FOXM1: variants seen among roughly 807,000 people sequenced by gnomAD.
FOXM1 encodes forkhead box protein M1.
In FOXM1, 25 loss-of-function variants were observed where a neutral mutation model predicts 63.6. The observed-to-expected ratio is 0.39, with a 90% CI of 0.29 to 0.55. The LOEUF (loss-of-function observed/expected upper bound fraction) is 0.55. Ranked by LOEUF, FOXM1 falls within the 20% of genes least tolerant of loss-of-function variation. FOXM1 has a pLI of 0.60. For missense variants in FOXM1, 879 were observed against 958.7 expected (o/e 0.92, Z 1.10); for synonymous variants, 387 against 376.9 (o/e 1.03, Z -0.31).
Position 2,864,855 on chromosome 12 carries a change from T to C in FOXM1, c.1021-103A>G. 1 of 1,308,230 alleles carries C rather than the reference T, an allele frequency of 7.6e-7. No individual in the cohort carries two copies. The highest frequency in any genetic ancestry group is 1.7e-5 in the Admixed American group (1 of 59,032). The allele number at this position is 1,308,230 out of a possible 1,614,324, so 81.0% of individuals were successfully genotyped here. On this transcript the variant is annotated intron_variant, in intron 6 of 8. Coordinates refer to ENST00000359843, the MANE Select transcript of FOXM1 (RefSeq NM_021953.4). The surrounding 1 kb of genome is among the most constrained non-coding windows in gnomAD (Gnocchi z 5.1). ...GCTGCTCTGGTGGTGTGTGCTTGAG[T>C]TAATGACAGCCCAGAGAGAGGAGGC... is the stretch of plus-strand genomic sequence containing the variant.
intron 8 of FOXM1, among the ~76,000 whole-genome samples, chr12:2,863,386 C>T (rs1220729345): frequency 1.3e-5 from 2 of 152,018 alleles, no homozygotes; most frequent in Non-Finnish European, 2.9e-5. Context: ...TTACCCAAAT[C>T]TACTTTTTTT....
At chr12:2,860,382 G>A (rs886997519) in intron 8 of FOXM1, among the ~76,000 whole-genome samples, 2 of 151,972 alleles carry the variant, frequency 1.3e-5, no homozygotes, top group Non-Finnish European at 2.9e-5. Context: ...CTACAGGTGG[G>A]AGGCTGAGGT....
intron 8 of FOXM1, among the ~76,000 whole-genome samples, chr12:2,862,593 C>T (rs1463758098): frequency 2.0e-5 from 3 of 152,060 alleles, no homozygotes; most frequent in South Asian, 2.1e-4. Flanking sequence ...TGCAGTGGCA[C>T]GATTATAGCT....
chr12:2,863,091 C>T (rs1303775609), intron 8 of FOXM1, among the ~76,000 whole-genome samples: 1 of 152,140 alleles, frequency 6.6e-6, no homozygotes, highest in Admixed American at 6.5e-5. Flanking sequence ...TGATTCCCTC[C>T]CTGCCAGGGG....
In FOXM1 at chr12:2,858,818, G is replaced by T; in HGVS notation, c.2112C>A (p.Ser704=). Residue 704 remains serine, a synonymous_variant, in exon 9 of 9, where the codon TCC becomes TCA. Transcript: ENST00000359843. ...CAAGGCCAGAAACCTGTGGCTCCGG[G>T]GAGCCTGGCTTGGGGACGTCTATAT... The part of the protein sequence containing the change: ...PSDIDVPKPG[S]PEPQVSGLAA... 11 of 1,614,222 alleles carry T rather than the reference G, an allele frequency of 6.8e-6. No homozygotes were observed. The highest frequency in any genetic ancestry group is 9.3e-6 in the Non-Finnish European group (11 of 1,180,048).
Position 2,868,546 on chromosome 12 carries a change from G to T in FOXM1, c.846+17C>A. ...GGCTGGGCTGACCTTGATTTTGGTT[G>T]CTGTGGGACACATTACCTTCCAGCC... On this transcript the variant is annotated intron_variant, in intron 4 of 8. Transcript: ENST00000359843. 6.3e-7 allele frequency: 1 copy of T among 1,588,156 alleles called. No homozygotes were observed.
At chr12:2,860,243 C>T (rs2098108205) in intron 8 of FOXM1, among the ~76,000 whole-genome samples, 2 of 152,140 alleles carry the variant, frequency 1.3e-5, no homozygotes, top group African/African-American at 4.8e-5. Context: ...CAAACAATGC[C>T]TGTAATCCCA....
In FOXM1 at chr12:2,858,963, A is replaced by T. The variant is rs1266045156; in HGVS notation, c.1967T>A (p.Leu656Gln). ...CAAGGGAGTGGTGCTGAGATCCATC[A>T]GCCCCAGGGGGTCAGGCAAGGGGTC... is the stretch of plus-strand genomic sequence containing the variant. ...ASDPLPDPLGLMDLSTTPLQS... is the reference protein window; with the variant it reads ...ASDPLPDPLGQMDLSTTPLQS... The change falls in exon 9 of 9, where the codon CTG (leucine) becomes CAG (glutamine). Residue 656 changes from leucine to glutamine, a missense_variant. Physicochemically the swap from Leu to Gln is moderately radical, Grantham distance 113. This residue lies in a region of FOXM1 where 486 missense variants were observed against 453.5 expected (regional missense o/e 1.07). Coordinates refer to ENST00000359843, the MANE Select transcript of FOXM1 (RefSeq NM_021953.4). 2.1e-5 allele frequency: 34 copies of T among 1,613,510 alleles called. No individual in the cohort carries two copies. Among genetic ancestry groups the T allele is most frequent in the Non-Finnish European group, 2.9e-5 (34 of 1,179,926 alleles).
rs1324322919 is a variant in FOXM1, at chr12:2,872,150, G to A, written c.600C>T (p.Ile200=). The change falls in exon 3 of 9, where the codon ATC becomes ATT. Residue 200 remains isoleucine, a synonymous_variant. Transcript: ENST00000359843. This position sits in a 1 kb window ranked among gnomAD's most constrained non-coding sequence, Gnocchi z 4.0. ...TCTCCTTTTCCTCCATCTCTTGCTT[G>A]ATGCTGCGGGAGCCCAGTCCATCAG... is the stretch of plus-strand genomic sequence containing the variant. The part of the protein sequence containing the change: ...MSSDGLGSRS[I]KQEMEEKENC... 6.2e-7 allele frequency: 1 copy of A among 1,614,188 alleles called. No individual in the cohort carries two copies. The highest frequency in any genetic ancestry group is 1.1e-5 in the South Asian group (1 of 91,082).
At position 2,865,389 on chromosome 12, in the gene FOXM1, G is replaced by T. The variant is rs150152924; in HGVS notation, c.986C>A (p.Pro329Gln). The T allele has an allele frequency of 3.1e-6, 5 of 1,610,628 alleles. No individual in the cohort carries two copies. In the African/African-American group the frequency reaches 6.7e-5, roughly 22 times the overall value. Residue 329 changes from proline (P) to glutamine (Q), a missense_variant, in exon 6 of 9, where the codon CCA (proline) becomes CAA (glutamine). Coordinates refer to ENST00000359843, the MANE Select transcript of FOXM1 (RefSeq NM_021953.4). ...GTGCTCGGGCAATTGTGGAGACCCT[G>T]GGTCCAGTGGCTGGTGGCGGCCAGG... Reference protein sequence around the residue: ...TLDQVFKPLDPGSPQLPEHLE... With the variant: ...TLDQVFKPLDQGSPQLPEHLE...
Position 2,864,529 on chromosome 12 carries a change from G to T in FOXM1, c.1091-34C>A. 1 of 1,601,206 alleles carries T rather than the reference G, an allele frequency of 6.2e-7. No homozygotes were observed. Among genetic ancestry groups the T allele is most frequent in the Non-Finnish European group, 8.5e-7 (1 of 1,170,154 alleles). On this transcript the variant is annotated intron_variant, in intron 7 of 8. Transcript: ENST00000359843. The surrounding 1 kb of genome is among the most constrained non-coding windows in gnomAD (Gnocchi z 5.1). ...AAACACGAGAGATCAGGAGCAGGGGGACTGGAGTACACCCCTTCTCAGCCC... is the reference window on the plus strand; with the variant it reads ...AAACACGAGAGATCAGGAGCAGGGGTACTGGAGTACACCCCTTCTCAGCCC...
chr12:2,865,420 TG>T, intron 5 of FOXM1, 21 bp from the exon 6 acceptor site: 1 of 1,607,314 alleles, frequency 6.2e-7, no homozygotes, highest in Non-Finnish European at 8.5e-7. Flanking sequence ...CCAGGCATTG[TG>T]GGAGAGAAAT....
chr12:2,860,514 G>GCTCTCACAAATTGATAACAAAACCTAT (rs2098109224), intron 8 of FOXM1, among the ~76,000 whole-genome samples: 1 of 152,002 alleles, frequency 6.6e-6, no homozygotes, highest in African/African-American at 2.4e-5. Flanking sequence ...AAAGTAAAGA[G>GCTCTCACAAATTGATAACAAAACCTAT]ATAAACAATA....
rs1326198528 is a variant in FOXM1, at chr12:2,872,128, C to T, written c.622G>A (p.Glu208Lys). The stretch of plus-strand genomic sequence containing the variant: ...TGTCGCTGCTCCAGGTGACAATTCT[C>T]CTTTTCCTCCATCTCTTGCTTGATG... The part of the protein sequence containing the change: ...RSIKQEMEEK[E>K]NCHLEQRQVK... Residue 208 changes from glutamate (E) to lysine (K), a missense_variant, in exon 3 of 9, where the codon GAG becomes AAG. Transcript: ENST00000359843. The surrounding 1 kb of genome is among the most constrained non-coding windows in gnomAD (Gnocchi z 4.0). 11 of 1,614,230 alleles carry T rather than the reference C, an allele frequency of 6.8e-6. No individual in the cohort carries two copies. In the East Asian group the frequency reaches 2.5e-4, roughly 36 times the overall value.
chr12:2,858,622 G>A lies in FOXM1; in HGVS notation c.*16C>T. On this transcript the variant is annotated 3_prime_UTR_variant, in exon 9 of 9. Transcript: ENST00000359843. ...GGGATGGTGGACAGCTTGAGCACAG[G>A]GGCAAGGGCAGGGCTCTACTGTAGC... The A allele has an allele frequency of 1.2e-6, 2 of 1,606,446 alleles. No homozygotes were observed. The highest frequency in any genetic ancestry group is 1.7e-6 in the Non-Finnish European group (2 of 1,175,398).
In FOXM1 at chr12:2,868,703, G is replaced by A. The variant is rs760175330; in HGVS notation, c.706C>T (p.Arg236Trp). The A allele has an allele frequency of 5.6e-6, 9 of 1,613,620 alleles. No individual in the cohort carries two copies. In the Admixed American group the frequency reaches 8.3e-5, roughly 15 times the overall value. Residue 236 changes from arginine (R) to tryptophan (W), a missense_variant, in exon 4 of 9, where the codon CGG becomes TGG. Transcript: ENST00000359843. ...ATGGCCATGTAAGAGTAGGGTGGCC[G>A]CTCAGACACAGAGTTCTGCCAGGAC... ...SASWQNSVSERPPYSYMAMIQ... is the reference protein window; with the variant it reads ...SASWQNSVSEWPPYSYMAMIQ...
Position 2,872,593 on chromosome 12 carries a change from T to A in FOXM1, c.503-346A>T, listed in dbSNP as rs1218554020. Among the ~76,000 whole-genome samples, 6 of 152,012 alleles carry A rather than the reference T, an allele frequency of 3.9e-5. No individual in the cohort carries two copies. The highest frequency in any genetic ancestry group is 7.4e-5 in the Non-Finnish European group (5 of 68,002). On this transcript the variant is annotated intron_variant, in intron 2 of 8. Coordinates refer to ENST00000359843, the MANE Select transcript of FOXM1 (RefSeq NM_021953.4). This position sits in a 1 kb window ranked among gnomAD's most constrained non-coding sequence, Gnocchi z 4.0. ...CACTACACTCCAGCCTGAGTGAGAC[T>A]CTGTCTCAGAAAAATAAAAAATAAA...
chr12:2,870,204 G>A (rs946131829), intron 3 of FOXM1, among the ~76,000 whole-genome samples: 1 of 151,914 alleles, frequency 6.6e-6, no homozygotes, highest in Non-Finnish European at 1.5e-5. Context: ...TGGAACTCCC[G>A]ACGTCAGGTG....
intron 4 of FOXM1, among the ~76,000 whole-genome samples, chr12:2,867,440 C>CA (rs1366899320): frequency 6.6e-6 from 1 of 151,944 alleles, no homozygotes. Flanking sequence ...GACCCTGTCT[C>CA]AAAAAACAAA....
Sources: gnomAD v4.1 joint callset for allele counts (sites outside exome capture counted in the v4.1 genomes callset) on GRCh38, gnomAD v4.1.1 for gene constraint, gnomAD v4.1.1 regional missense constraint, Gnocchi (gnomAD v3.1) non-coding constraint, MANE v1.5 for transcripts, NCBI Gene and HGNC (gene_info 2026-07-23, HGNC 2026-07-21) for gene names.